Variants in PCSK7 observed in about 807,000 individuals in gnomAD.
PCSK7 encodes the protein proprotein convertase subtilisin/kexin type 7.
A neutral mutation model predicts 73.3 loss-of-function variants in PCSK7; 38 were observed. That is an observed-to-expected ratio of 0.52 (90% CI 0.40 to 0.68). PCSK7 has a LOEUF of 0.68. Ranked by LOEUF, PCSK7 falls within the 30% of genes least tolerant of loss-of-function variation. PCSK7 has a pLI of 0.00. For synonymous variants in PCSK7, 296 were observed against 383.8 expected, an observed-to-expected ratio of 0.77 and a Z score of 2.68; for missense variants, 692 against 991.5, an observed-to-expected ratio of 0.70 and a Z score of 4.06.
At chr11:117,227,632 G>A (rs544777166) in intron 4 of PCSK7, among the ~76,000 whole-genome samples, 3 of 152,228 alleles carry the variant, frequency 2.0e-5, no homozygotes, top group South Asian at 2.1e-4. Flanking sequence ...TAGTAGAGAC[G>A]GGGTTTCACC....
rs2134342314 is a variant in PCSK7 at position 117,232,060 on chromosome 11, G to A, written c.-166C>T. Reference sequence around the variant, plus strand: ...CCGCAGCTGCCGCCGCCTCCCTGCGGAAACTCGCGGCTTCCCGGGAGCCGG... The same window carrying A: ...CCGCAGCTGCCGCCGCCTCCCTGCGAAAACTCGCGGCTTCCCGGGAGCCGG... On this transcript the variant is annotated 5_prime_UTR_variant, in exon 1 of 17. Transcript: ENST00000320934. 6.6e-6 allele frequency: 1 copy of A among 152,474 alleles called. No individual in the cohort carries two copies. The highest frequency in any genetic ancestry group is 2.4e-5 in the African/African-American group (1 of 41,566). The allele number at this position is 152,474 out of a possible 1,614,324, so 9.4% of individuals were successfully genotyped here.
intron 12 of PCSK7, chr11:117,216,284 T>C (rs1198063966): frequency 1.3e-5 from 2 of 152,208 alleles, no homozygotes; most frequent in African/African-American, 4.8e-5. Flanking sequence ...TCCTCTTCTA[T>C]CTCAGGGATG....
intron 1 of PCSK7, 34 bp from the exon 2 acceptor site, chr11:117,230,502 C>T (rs1270979386): frequency 6.6e-6 from 1 of 152,260 alleles, no homozygotes; most frequent in Non-Finnish European, 1.5e-5. Flanking sequence ...AATAATGTCC[C>T]ACCAATCCCA....
At chr11:117,231,069 AAAAG>A (rs1384664186) in intron 1 of PCSK7, 3 of 151,984 alleles carry the variant, frequency 2.0e-5, no homozygotes, top group African/African-American at 7.3e-5. Flanking sequence ...AAAAAAAAAA[AAAAG>A]AGCCAAGTTA....
intron 6 of PCSK7, 59 bp downstream of exon 6, chr11:117,225,872 T>C (rs1034918926): frequency 1.2e-5 from 13 of 1,104,434 alleles, no homozygotes; most frequent in Admixed American, 6.8e-5. Flanking sequence ...GGGATTTTGT[T>C]GGCGGATTTG....
chr11:117,224,557 C>T (rs2032335538), intron 7 of PCSK7, 144 bp downstream of exon 7: 1 of 758,000 alleles, frequency 1.3e-6, no homozygotes, highest in Non-Finnish European at 2.4e-6. Context: ...CCCTAGGCTT[C>T]CTGCCCCGAC....
chr11:117,226,090 G>A, intron 5 of PCSK7, 69 bp from the exon 6 acceptor site: 2 of 887,958 alleles, frequency 2.3e-6, no homozygotes, highest in Non-Finnish European at 3.9e-6. Flanking sequence ...GGGAGGTGGG[G>A]AGCCATATGT....
In PCSK7 at chr11:117,230,251, C is replaced by T. The variant is rs115736127; in HGVS notation, c.-13+98G>A. ...TGTTCTTTAGCAGAGACAACCCCTT[C>T]ACCCCTACATTTAGAGGGGACATAA... On this transcript the variant is annotated intron_variant, in intron 2 of 16. Coordinates refer to ENST00000320934, the MANE Select transcript of PCSK7 (RefSeq NM_004716.4). 1,117 of 175,694 alleles carry T rather than the reference C, an allele frequency of 6.4e-3. 9 individuals carry two copies. The highest frequency in any genetic ancestry group is 0.025 in the African/African-American group (1,042 of 42,264). 10.9% of individuals were successfully genotyped at this position (175,694 alleles called of 1,614,324 possible).
At chr11:117,229,326 C>A (rs556027747) in intron 3 of PCSK7, 51 bp downstream of exon 3, 5 of 1,374,874 alleles carry the variant, frequency 3.6e-6, no homozygotes, top group Non-Finnish European at 4.0e-6. Flanking sequence ...CATTAAAGAA[C>A]TGGACTGGAA....
At position 117,218,278 on chromosome 11, in the gene PCSK7, A is replaced by G. The variant is rs2239011; in HGVS notation, c.1534+188T>C. 0.27 allele frequency: 70,507 copies of G among 262,352 alleles called. 9,953 individuals carry two copies. The highest frequency in any genetic ancestry group is 0.43 in the African/African-American group (18,940 of 44,136). The allele number at this position is 262,352 out of a possible 1,614,324, so 16.3% of individuals were successfully genotyped here. On this transcript the variant is annotated intron_variant, in intron 12 of 16. Coordinates refer to ENST00000320934, the MANE Select transcript of PCSK7 (RefSeq NM_004716.4). The surrounding 1 kb of genome is among the most constrained non-coding windows in gnomAD (Gnocchi z 4.0). ...GGAACCCAGGAGAAAGGTCTTGTTT[A>G]AGCAGCTGGGGGAGCCAACTCAGAA...
intron 8 of PCSK7, 36 bp downstream of exon 8, chr11:117,224,042 C>T: frequency 6.3e-7 from 1 of 1,578,574 alleles, no homozygotes; most frequent in Non-Finnish European, 8.7e-7. Context: ...CCTTCGGTGA[C>T]ACACACACAG....
chr11:117,222,806 C>G (rs1172570991), intron 9 of PCSK7: 1 of 166,522 alleles, frequency 6.0e-6, no homozygotes, highest in African/African-American at 2.4e-5. Flanking sequence ...GCCACCACAC[C>G]AGGCTAATTT....
At chr11:117,223,123 G>C in intron 9 of PCSK7, 85 bp downstream of exon 9, 2 of 840,902 alleles carry the variant, frequency 2.4e-6, no homozygotes, top group East Asian at 2.4e-5. Context: ...CGGGGAAGCA[G>C]GGAACAGTGA....
At chr11:117,225,598 C>T in intron 6 of PCSK7, 2 of 343,578 alleles carry the variant, frequency 5.8e-6, no homozygotes, top group Admixed American at 3.8e-5. Flanking sequence ...AGTGCATTGG[C>T]GTGGGGTGGG....
At chr11:117,215,362 A>ATTTTTTTT (rs1255701993) in intron 12 of PCSK7, 19 of 73,764 alleles carry the variant, frequency 2.6e-4, no homozygotes, top group Admixed American at 6.0e-4. Flanking sequence ...TGCCTGGCTA[A>ATTTTTTTT]TTTGTGTGTG....
chr11:117,228,508 G>C (rs921363129), intron 3 of PCSK7, among the ~76,000 whole-genome samples, 158 bp from the exon 4 acceptor site: 1 of 152,168 alleles, frequency 6.6e-6, no homozygotes, highest in African/African-American at 2.4e-5. Context: ...AGGAGGAGCA[G>C]GTGAGAGCTC....
At position 117,219,657 on chromosome 11, in the gene PCSK7, C is replaced by T. The variant is rs767684401; in HGVS notation, c.1257G>A (p.Met419Ile). 3 of 1,612,454 alleles carry T rather than the reference C, an allele frequency of 1.9e-6. No homozygotes were observed. Among genetic ancestry groups the T allele is most frequent in the Non-Finnish European group, 2.5e-6 (3 of 1,179,488 alleles). ...ACGTGAGGCAGGGCCGCACCTGCAGCATTAAGGCTATCATGCCAGCTGCCA... is the reference window on the plus strand; with the variant it reads ...ACGTGAGGCAGGGCCGCACCTGCAGTATTAAGGCTATCATGCCAGCTGCCA... ...APLAAGMIAL[M>I]LQVRPCLTWR... is the part of the protein sequence containing the mutation. Residue 419 changes from methionine (M) to isoleucine (I), a missense_variant, in exon 10 of 17, where the codon ATG becomes ATA. By Grantham distance (10) the Met-to-Ile change is conservative. Coordinates refer to ENST00000320934, the MANE Select transcript of PCSK7 (RefSeq NM_004716.4).
At chr11:117,215,563 G>C (rs2031949047) in intron 12 of PCSK7, 1 of 151,006 alleles carries the variant, frequency 6.6e-6, no homozygotes, top group Non-Finnish European at 1.5e-5. Flanking sequence ...ACCACGCCTG[G>C]CTAATTTTTT....
chr11:117,224,559 T>A, intron 7 of PCSK7, 142 bp downstream of exon 7: 1 of 761,458 alleles, frequency 1.3e-6, no homozygotes, highest in Non-Finnish European at 2.4e-6. Context: ...CTAGGCTTCC[T>A]GCCCCGACGT....
Sources: allele counts gnomAD v4.1 joint callset (sites outside exome capture counted in the v4.1 genomes callset), GRCh38; gene constraint gnomAD v4.1.1; non-coding constraint Gnocchi (gnomAD v3.1); transcripts MANE v1.5; gene names NCBI Gene and HGNC (gene_info 2026-07-23, HGNC 2026-07-21).